Variants in RNF220 observed in about 807,000 individuals in gnomAD.
The protein encoded by RNF220 is ring finger protein 220.
In RNF220, 7 loss-of-function variants were observed where a neutral mutation model predicts 67.1. The observed-to-expected ratio is 0.10, with a 90% CI of 0.06 to 0.20. The LOEUF (loss-of-function observed/expected upper bound fraction) is 0.20. RNF220 is among the 10% of genes least tolerant of loss of function. The pLI, the probability that RNF220 is intolerant of heterozygous loss-of-function variation, is 1.00. For missense variants in RNF220, 565 were observed against 740.3 expected (o/e 0.76, Z 2.75); for synonymous variants, 270 against 283.2 (o/e 0.95, Z 0.47).
intron 2 of RNF220, among the ~76,000 whole-genome samples, chr1:44,420,944 G>A (rs1164220281): frequency 6.6e-6 from 1 of 152,174 alleles, no homozygotes; most frequent in Non-Finnish European, 1.5e-5. Flanking sequence ...CAAACACAGG[G>A]TCATTAACAA....
chr1:44,570,543 G>A (rs1452835334), intron 2 of RNF220, among the ~76,000 whole-genome samples: 1 of 152,166 alleles, frequency 6.6e-6, no homozygotes, highest in East Asian at 1.9e-4. Context: ...GGTTAGATCA[G>A]AACAGGCTAA....
chr1:44,649,349 G>A lies in RNF220; in HGVS notation c.1446-312G>A, dbSNP rs889661468. On this transcript the variant is annotated intron_variant, in intron 12 of 14. Coordinates refer to ENST00000361799, the MANE Select transcript of RNF220 (RefSeq NM_018150.4). This position sits in a 1 kb window ranked among gnomAD's most constrained non-coding sequence, Gnocchi z 5.9. ...TCTGAGAGCCTGGACTCATGGTGGT[G>A]AGGAGAGATGCCGGAGATACTAGGA... The A allele has an allele frequency of 1.2e-5, 5 of 419,070 alleles. No individual in the cohort carries two copies. Among genetic ancestry groups the A allele is most frequent in the Non-Finnish European group, 2.2e-5 (5 of 227,466 alleles). 26.0% of individuals were successfully genotyped at this position (419,070 alleles called of 1,614,324 possible).
At chr1:44,578,322 G>A (rs551461967) in intron 2 of RNF220, among the ~76,000 whole-genome samples, 1 of 150,936 alleles carries the variant, frequency 6.6e-6, no homozygotes. Context: ...CTCATTTTTT[G>A]TATTTCTAGT....
At chr1:44,460,307 C>T (rs1285836106) in intron 2 of RNF220, among the ~76,000 whole-genome samples, 1 of 152,116 alleles carries the variant, frequency 6.6e-6, no homozygotes, top group African/African-American at 2.4e-5. Flanking sequence ...CGCCTGGAAG[C>T]CTGGGGTTCA....
chr1:44,569,593 C>G (rs1056364630), intron 2 of RNF220, among the ~76,000 whole-genome samples: 3 of 152,200 alleles, frequency 2.0e-5, no homozygotes, highest in Non-Finnish European at 1.5e-5. Flanking sequence ...CATGACTTTG[C>G]TGCCAGAGGC....
intron 2 of RNF220, among the ~76,000 whole-genome samples, chr1:44,530,131 A>T (rs1660721408): frequency 6.6e-6 from 1 of 152,196 alleles, no homozygotes; most frequent in East Asian, 1.9e-4. Context: ...ACGTTTAGGT[A>T]TACTAACAAA....
chr1:44,508,183 C>A (rs372809412), intron 2 of RNF220, among the ~76,000 whole-genome samples: 3 of 36,298 alleles, frequency 8.3e-5, no homozygotes, highest in Non-Finnish European at 1.6e-4. Context: ...CAGGGTTGGG[C>A]GGGGGTGGGG....
intron 2 of RNF220, among the ~76,000 whole-genome samples, chr1:44,525,221 C>T (rs978047022): frequency 6.6e-5 from 10 of 152,154 alleles, no homozygotes; most frequent in Admixed American, 6.5e-4. Context: ...GGTCACCAGC[C>T]GTGTCAGGGC....
chr1:44,407,602 C>A (rs1205751203), intron 1 of RNF220, among the ~76,000 whole-genome samples: 1 of 152,036 alleles, frequency 6.6e-6, no homozygotes, highest in Non-Finnish European at 1.5e-5. Flanking sequence ...GCCGACAGGG[C>A]CGGGGCCGGG....
At chr1:44,484,298 G>A (rs1245355199) in intron 2 of RNF220, among the ~76,000 whole-genome samples, 1 of 152,132 alleles carries the variant, frequency 6.6e-6, no homozygotes, top group Non-Finnish European at 1.5e-5. Flanking sequence ...TATTGGCCCA[G>A]GGGAAATGGC....
In RNF220 at chr1:44,584,952, G is replaced by A. The variant is rs565277981; in HGVS notation, c.626-29213G>A. Among the ~76,000 whole-genome samples, 27 of 152,280 alleles carry A rather than the reference G, an allele frequency of 1.8e-4. No individual in the cohort carries two copies. In the South Asian group the frequency reaches 3.5e-3, roughly 20 times the overall value. ...GACCTCAAGTGATCTGCCCACTTCC[G>A]CCTCCCAAAGTGCTGGGATTACAGG... On this transcript the variant is annotated intron_variant, in intron 2 of 14. Transcript: ENST00000361799.
intron 6 of RNF220, 53 bp downstream of exon 6, chr1:44,632,438 T>A (rs879477038): frequency 1.0e-6 from 1 of 999,022 alleles, no homozygotes; most frequent in Non-Finnish European, 1.2e-6. Flanking sequence ...CCTCCCTCCC[T>A]CCCTCACTGC....
At chr1:44,543,812 C>A (rs1313575121) in intron 2 of RNF220, among the ~76,000 whole-genome samples, 1 of 152,140 alleles carries the variant, frequency 6.6e-6, no homozygotes, top group South Asian at 2.1e-4. Flanking sequence ...CCTTCTTGAA[C>A]CCCTCCCCCG....
chr1:44,595,526 G>A (rs1455385821), intron 2 of RNF220, among the ~76,000 whole-genome samples: 1 of 152,110 alleles, frequency 6.6e-6, no homozygotes, highest in Admixed American at 6.5e-5. Context: ...GCCTCAGTGT[G>A]AAGAAGACAG....
rs35521644 is a variant in RNF220 at position 44,621,892 on chromosome 1, A to ATGTG, written c.759-837_759-834dup. ...TTCATCAGCCAGCACTTCTGTGAGC[A>ATGTG]TGTGTGTGTGTGTGTGAGTGCACGC... On this transcript the variant is annotated intron_variant, in intron 3 of 14. Transcript: ENST00000361799. This position sits in a 1 kb window ranked among gnomAD's most constrained non-coding sequence, Gnocchi z 4.8. Among the ~76,000 whole-genome samples the ATGTG allele has an allele frequency of 2.0e-5, 3 of 151,174 alleles. No homozygotes were observed. The highest frequency in any genetic ancestry group is 4.4e-5 in the Non-Finnish European group (3 of 67,698).
intron 2 of RNF220, among the ~76,000 whole-genome samples, chr1:44,514,266 A>G (rs1659276247): frequency 6.6e-6 from 1 of 152,210 alleles, no homozygotes; most frequent in Non-Finnish European, 1.5e-5. Flanking sequence ...AGCGGCCTAA[A>G]ATAATGGAAT....
At position 44,649,874 on chromosome 1, in the gene RNF220, C is replaced by T. The variant is rs1294982099; in HGVS notation, c.1555-9C>T. 6.2e-7 allele frequency: 1 copy of T among 1,614,032 alleles called. No individual in the cohort carries two copies. The highest frequency in any genetic ancestry group is 1.7e-5 in the Admixed American group (1 of 60,014). On this transcript the variant is annotated splice_polypyrimidine_tract_variant and intron_variant, in intron 13 of 14. Coordinates refer to ENST00000361799, the MANE Select transcript of RNF220 (RefSeq NM_018150.4). The surrounding 1 kb of genome is among the most constrained non-coding windows in gnomAD (Gnocchi z 5.9). ...CAGAGTGACCCCTTCTCTGCCCCCT[C>T]CTCCCTAGGACTCGTACTCGATGCC...
intron 2 of RNF220, among the ~76,000 whole-genome samples, chr1:44,424,853 G>A (rs961019909): frequency 6.6e-6 from 1 of 152,240 alleles, no homozygotes; most frequent in Non-Finnish European, 1.5e-5. Context: ...GAGGGAGGCC[G>A]GTGTGCGCTG....
At chr1:44,587,522 G>A (rs1157610985) in intron 2 of RNF220, among the ~76,000 whole-genome samples, 1 of 152,074 alleles carries the variant, frequency 6.6e-6, no homozygotes, top group Non-Finnish European at 1.5e-5. Context: ...GAAAGAGATG[G>A]GGAACATTCC....
Sources: gnomAD v4.1 joint callset for allele counts (sites outside exome capture counted in the v4.1 genomes callset) on GRCh38, gnomAD v4.1.1 for gene constraint, Gnocchi (gnomAD v3.1) non-coding constraint, MANE v1.5 for transcripts, NCBI Gene and HGNC (gene_info 2026-07-23, HGNC 2026-07-21) for gene names.